The following MBNL1 variants were observed in gnomAD, a reference collection of about 807,000 sequenced individuals.
MBNL1 encodes muscleblind like splicing regulator 1, also known as muscleblind-like protein 1.
MBNL1 carries 8 observed loss-of-function variants against 42.2 expected under a neutral mutation model. The ratio of observed to expected loss-of-function variants is 0.19; its 90% CI spans 0.11 to 0.34. The LOEUF (loss-of-function observed/expected upper bound fraction) is 0.34, where lower values mean the gene tolerates loss of function less well. MBNL1 is among the 10% of genes least tolerant of loss of function. MBNL1 has a pLI of 1.00. For missense variants in MBNL1, 309 were observed against 495.3 expected (o/e 0.62, Z 3.57); for synonymous variants, 169 against 173.9 (o/e 0.97, Z 0.22).
At chr3:152,460,008 CT>C (rs1047781427) in intron 9 of MBNL1, among the ~76,000 whole-genome samples, 1 of 151,936 alleles carries the variant, frequency 6.6e-6, no homozygotes, top group African/African-American at 2.4e-5. Flanking sequence ...AATCCAAGCA[CT>C]TTGGGAGGCC....
chr3:152,400,818 ACAGT>A (rs1350602977), intron 2 of MBNL1, among the ~76,000 whole-genome samples: 1 of 152,228 alleles, frequency 6.6e-6, no homozygotes, highest in Non-Finnish European at 1.5e-5. Flanking sequence ...CAGTTAACTA[ACAGT>A]CAGATAACAT....
intron 2 of MBNL1, among the ~76,000 whole-genome samples, chr3:152,356,855 T>TTGTGTGTGTGTG (rs2095555410): frequency 7.0e-5 from 4 of 57,032 alleles, no homozygotes; most frequent in Admixed American, 1.8e-4. Context: ...CATATGTGTG[T>TTGTGTGTGTGTG]AGTGTGTGTG....
Position 152,392,712 on chromosome 3 carries a change from A to G in MBNL1, c.175-22229A>G, listed in dbSNP as rs534002916. Among the ~76,000 whole-genome samples, 6 of 152,358 alleles carry G rather than the reference A, an allele frequency of 3.9e-5. No individual in the cohort carries two copies. In the East Asian group the frequency reaches 1.2e-3, roughly 29 times the overall value. ...TAGTCTCCAGATGGGTAAGATATAC[A>G]CAGAGAAGGAAGATATATTACAAAA... On this transcript the variant is annotated intron_variant, in intron 2 of 9. Transcript: ENST00000324210.
At chr3:152,392,372 G>C (rs899792061) in intron 2 of MBNL1, among the ~76,000 whole-genome samples, 2 of 152,154 alleles carry the variant, frequency 1.3e-5, no homozygotes, top group Non-Finnish European at 2.9e-5. Context: ...CATTGGAGTG[G>C]TGTTAATGGG....
rs1009566451 is a variant in MBNL1 at position 152,396,421 on chromosome 3, G to T, written c.175-18520G>T. 2.6e-5 allele frequency among the ~76,000 whole-genome samples: 4 copies of T among 152,198 alleles called. No homozygotes were observed. The South Asian group carries it at 8.3e-4, about 32-fold the overall frequency. On this transcript the variant is annotated intron_variant, in intron 2 of 9. Transcript: ENST00000324210. Reference sequence around the variant, plus strand: ...GGACCACTGTTATAGAAGACATAATGCTCAGACTTGATATCAGACCTGATT... The same window carrying T: ...GGACCACTGTTATAGAAGACATAATTCTCAGACTTGATATCAGACCTGATT...
rs1277420718 is a variant in MBNL1 at position 152,405,965 on chromosome 3, A to G, written c.175-8976A>G. ...TGCTGTACTGAAAAAATAATGAAGC[A>G]ATTTAAAAATAATAGAAACATAGTG... is the stretch of plus-strand genomic sequence containing the variant. On this transcript the variant is annotated intron_variant, in intron 2 of 9. Transcript: ENST00000324210. Among the ~76,000 whole-genome samples, 5 of 152,300 alleles carry G rather than the reference A, an allele frequency of 3.3e-5. No individual in the cohort carries two copies. In the East Asian group the frequency reaches 9.6e-4, roughly 29 times the overall value.
intron 2 of MBNL1, among the ~76,000 whole-genome samples, chr3:152,328,652 AG>A (rs1384668468): frequency 6.6e-6 from 1 of 152,186 alleles, no homozygotes; most frequent in Non-Finnish European, 1.5e-5. Flanking sequence ...GAGAAGTACT[AG>A]GAAGAAGGAG....
chr3:152,443,032 T>TA (rs1476866160), intron 4 of MBNL1, among the ~76,000 whole-genome samples: 3 of 152,214 alleles, frequency 2.0e-5, no homozygotes, highest in Non-Finnish European at 4.4e-5. Flanking sequence ...AAGTTTTTTT[T>TA]AACCTCAGAA....
intron 2 of MBNL1, among the ~76,000 whole-genome samples, chr3:152,381,191 CAA>C (rs1304082870): frequency 6.6e-6 from 1 of 151,930 alleles, no homozygotes; most frequent in African/African-American, 2.4e-5. Flanking sequence ...TTACTTGTAA[CAA>C]AGACTGGATT....
At chr3:152,388,158 T>C (rs1406293368) in intron 2 of MBNL1, among the ~76,000 whole-genome samples, 3 of 152,174 alleles carry the variant, frequency 2.0e-5, no homozygotes, top group African/African-American at 7.2e-5. Context: ...TAATCGATTG[T>C]TTTTGGTCCT....
At position 152,285,369 on chromosome 3, in the gene MBNL1, A is replaced by G. The variant is rs1045789770; in HGVS notation, c.-789-14036A>G. On this transcript the variant is annotated intron_variant, in intron 1 of 9. Coordinates refer to ENST00000324210, the MANE Select transcript of MBNL1 (RefSeq NM_021038.5). ...GCTGATTTGGAGTTCTGGTTCTTCC[A>G]TTTATTTAGCATAGGGATTTTAATG... Among the ~76,000 whole-genome samples, 6 of 152,316 alleles carry G rather than the reference A, an allele frequency of 3.9e-5. No homozygotes were observed. The South Asian group carries it at 8.3e-4, about 21-fold the overall frequency.
At chr3:152,329,928 A>G (rs56740464) in intron 2 of MBNL1, among the ~76,000 whole-genome samples, 11,178 of 151,882 alleles carry the variant, frequency 0.074, 551 homozygotes, top group East Asian at 0.15. Context: ...GATTATTTCT[A>G]TGAATTCTCT....
intron 4 of MBNL1, 147 bp from the exon 5 acceptor site, chr3:152,445,132 ATGC>A: frequency 3.3e-6 from 2 of 599,318 alleles, no homozygotes; most frequent in Non-Finnish European, 5.9e-6. Flanking sequence ...AAACTAGGAA[ATGC>A]TGAAGTTACT....
At chr3:152,403,398 A>G (rs1579642040) in intron 2 of MBNL1, among the ~76,000 whole-genome samples, 1 of 152,310 alleles carries the variant, frequency 6.6e-6, no homozygotes, top group South Asian at 2.1e-4. Context: ...TTTGCTATAT[A>G]GACTCATCTG....
At chr3:152,259,970 A>G (rs1014649332) in intron 2 of MBNL1, among the ~76,000 whole-genome samples, 4 of 152,126 alleles carry the variant, frequency 2.6e-5, no homozygotes, top group Non-Finnish European at 5.9e-5. Flanking sequence ...TACTTAGTTG[A>G]TCATAATTAT....
chr3:152,320,553 G>T (rs1169884595), intron 2 of MBNL1, among the ~76,000 whole-genome samples: 1 of 152,222 alleles, frequency 6.6e-6, no homozygotes, highest in East Asian at 1.9e-4. Flanking sequence ...TTTGGTGACA[G>T]TATTAACTCT....
intron 2 of MBNL1, among the ~76,000 whole-genome samples, chr3:152,318,319 A>C (rs1295540527): frequency 2.6e-5 from 4 of 152,122 alleles, no homozygotes; most frequent in Middle Eastern, 3.4e-3. Flanking sequence ...TTACGACAAA[A>C]CTTAAAACGG....
chr3:152,348,273 A>G (rs536155070), intron 2 of MBNL1, among the ~76,000 whole-genome samples: 1 of 152,252 alleles, frequency 6.6e-6, no homozygotes, highest in South Asian at 2.1e-4. Context: ...AAAAATTTTT[A>G]TTTGCTCAAA....
In MBNL1 at chr3:152,449,454, C is replaced by T. The variant is rs568260153; in HGVS notation, c.961+1681C>T. 1.8e-3 allele frequency: 268 copies of T among 152,298 alleles called. 2 individuals are homozygous for T. The highest frequency in any genetic ancestry group is 6.0e-3 in the African/African-American group (250 of 41,552). 9.4% of individuals were successfully genotyped at this position (152,298 alleles called of 1,614,324 possible). On this transcript the variant is annotated intron_variant, in intron 6 of 9. Transcript: ENST00000324210. Reference sequence around the variant, plus strand: ...GCTATTTAAAGAAAGCTGAAAAAATCTGTTTTATCAAATAGGTTTCACATT... The same window carrying T: ...GCTATTTAAAGAAAGCTGAAAAAATTTGTTTTATCAAATAGGTTTCACATT...
Sources: allele counts gnomAD v4.1 joint callset (sites outside exome capture counted in the v4.1 genomes callset), GRCh38; gene constraint gnomAD v4.1.1; transcripts MANE v1.5; gene names NCBI Gene and HGNC (gene_info 2026-07-23, HGNC 2026-07-21).